The following SPATS1 variants were observed in gnomAD, a reference collection of about 807,000 sequenced individuals.
The protein encoded by SPATS1 is spermatogenesis associated serine rich 1.
Under a neutral mutation model 33.6 loss-of-function variants are expected in SPATS1, and 23 were observed. The ratio of observed to expected loss-of-function variants is 0.68; its 90% CI spans 0.49 to 0.97. SPATS1 has a LOEUF of 0.97. Among genes scored for constraint, SPATS1 ranks in the 50% least tolerant of loss-of-function variants. The pLI, the probability that SPATS1 is intolerant of heterozygous loss-of-function variation, is 0.00. For missense variants in SPATS1, 327 were observed against 361.0 expected (o/e 0.91, Z 0.76); for synonymous variants, 131 against 125.6 (o/e 1.04, Z -0.29).
rs1169077924 is a variant in SPATS1 at position 44,379,090 on chromosome 6, T to C, written c.*2027T>C. 6.6e-6 allele frequency: 1 copy of C among 152,122 alleles called. No individual in the cohort carries two copies. Among genetic ancestry groups the C allele is most frequent in the African/African-American group, 2.4e-5 (1 of 41,412 alleles). The allele number at this position is 152,122 out of a possible 1,614,324, so 9.4% of individuals were successfully genotyped here. ...ATTACTTAAATGTAAAAAAGTCTTC[T>C]TTCCCCTAGTCAAAAACAATGCCCC... On this transcript the variant is annotated 3_prime_UTR_variant, in exon 9 of 9. Transcript: ENST00000674044.
chr6:44,367,173 C>T (rs1461907076), intron 5 of SPATS1, among the ~76,000 whole-genome samples: 3 of 152,136 alleles, frequency 2.0e-5, no homozygotes, highest in Admixed American at 6.5e-5. Context: ...CTGCAACCTC[C>T]GTCTCCCGGG....
At chr6:44,352,313 G>T (rs1450795479) in intron 2 of SPATS1, among the ~76,000 whole-genome samples, 1 of 151,940 alleles carries the variant, frequency 6.6e-6, no homozygotes, top group Admixed American at 6.6e-5. Flanking sequence ...GTTTTTTGTA[G>T]AGACGGGGTT....
chr6:44,343,482 T>C (rs1312708773), intron 2 of SPATS1: 2 of 595,816 alleles, frequency 3.4e-6, no homozygotes, highest in South Asian at 3.0e-5. Flanking sequence ...TGGAGAAGTA[T>C]ATTACCTATG....
chr6:44,345,554 C>T (rs1787824662), intron 2 of SPATS1, among the ~76,000 whole-genome samples: 1 of 152,180 alleles, frequency 6.6e-6, no homozygotes, highest in African/African-American at 2.4e-5. Context: ...CTTGGGTGAA[C>T]TCTCAAGTCC....
At chr6:44,345,787 C>G (rs1449632823) in intron 2 of SPATS1, among the ~76,000 whole-genome samples, 1 of 152,114 alleles carries the variant, frequency 6.6e-6, no homozygotes, top group Non-Finnish European at 1.5e-5. Context: ...TTCATAGATA[C>G]ATTTCTAGAT....
chr6:44,366,205 A>G (rs1419197420), intron 5 of SPATS1, among the ~76,000 whole-genome samples: 1 of 151,246 alleles, frequency 6.6e-6, no homozygotes, highest in South Asian at 2.1e-4. Context: ...GCTCACTGCA[A>G]TCTCTGCCTC....
rs567398627 is a variant in SPATS1 at position 44,377,028 on chromosome 6, T to C, written c.875-7T>C. 1.4e-5 allele frequency: 23 copies of C among 1,614,202 alleles called. No homozygotes were observed. In the African/African-American group the frequency reaches 2.5e-4, roughly 18 times the overall value. On this transcript the variant is annotated splice_region_variant and splice_polypyrimidine_tract_variant and intron_variant, in intron 8 of 8. Coordinates refer to ENST00000674044, the MANE Select transcript of SPATS1 (RefSeq NM_001372081.1). ...GAAAACCTGTAACTCCATGCCTCTA[T>C]CCACAGGTGCTTTGGACTTTCCAAG...
At chr6:44,348,566 A>G (rs992812642) in intron 2 of SPATS1, among the ~76,000 whole-genome samples, 1 of 152,218 alleles carries the variant, frequency 6.6e-6, no homozygotes, top group Admixed American at 6.5e-5. Flanking sequence ...TCTTTGAAGT[A>G]GGGACTGGAT....
intron 6 of SPATS1, among the ~76,000 whole-genome samples, chr6:44,368,708 G>C (rs1160435373): frequency 1.3e-5 from 2 of 152,100 alleles, no homozygotes; most frequent in African/African-American, 4.8e-5. Context: ...CTACAAAAAA[G>C]TGGTTGTTAA....
rs1003971565 is a variant in SPATS1 at position 44,368,267 on chromosome 6, T to C, written c.575-112T>C. On this transcript the variant is annotated intron_variant, in intron 5 of 8. Transcript: ENST00000674044. Reference sequence around the variant, plus strand: ...AGAACTTTGAGAAACTTCTATGTAATTTATAATAAAATACTAAAATATCCT... The same window carrying C: ...AGAACTTTGAGAAACTTCTATGTAACTTATAATAAAATACTAAAATATCCT... 7.4e-6 allele frequency: 8 copies of C among 1,085,364 alleles called. No individual in the cohort carries two copies. In the African/African-American group the frequency reaches 1.3e-4, roughly 17 times the overall value. The allele number at this position is 1,085,364 out of a possible 1,614,324, so 67.2% of individuals were successfully genotyped here.
At chr6:44,372,447 ATTTTATTTTATT>A (rs773844250) in intron 7 of SPATS1, among the ~76,000 whole-genome samples, 29 of 149,000 alleles carry the variant, frequency 1.9e-4, no homozygotes, top group Non-Finnish European at 3.6e-4. Flanking sequence ...GTCTTTTTTT[ATTTTATTTTATT>A]TTTTATTTTA....
rs1459734461 is a variant in SPATS1, at chr6:44,378,729, C to G, written c.*1666C>G. 2 of 152,490 alleles carry G rather than the reference C, an allele frequency of 1.3e-5. No individual in the cohort carries two copies. Among genetic ancestry groups the G allele is most frequent in the Non-Finnish European group, 2.9e-5 (2 of 68,314 alleles). 9.4% of individuals were successfully genotyped at this position (152,490 alleles called of 1,614,324 possible). A position where few individuals can be genotyped will look rare whatever the true frequency, so the allele number is the denominator to read the frequency against. ...GAGGTTGCAGTGAGCCAAGACCATG[C>G]CATTGCACTCCAGCCTGGGCGACAA... On this transcript the variant is annotated 3_prime_UTR_variant, in exon 9 of 9. Coordinates refer to ENST00000674044, the MANE Select transcript of SPATS1 (RefSeq NM_001372081.1).
chr6:44,380,021 A>T lies in SPATS1; in HGVS notation c.*2958A>T, dbSNP rs1233329335. On this transcript the variant is annotated 3_prime_UTR_variant, in exon 9 of 9. Transcript: ENST00000674044. ...TGAGTATGTCTACGTGTGTGGGGAG[A>T]CAAAGGCATAGAGAAAGGCCACATG... is the stretch of plus-strand genomic sequence containing the variant. 1.3e-5 allele frequency among the ~76,000 whole-genome samples: 2 copies of T among 152,188 alleles called. No individual in the cohort carries two copies. Among genetic ancestry groups the T allele is most frequent in the Non-Finnish European group, 2.9e-5 (2 of 68,026 alleles).
In SPATS1 at chr6:44,361,878, A is replaced by G. The variant is rs1788944146; in HGVS notation, c.460A>G (p.Asn154Asp). The G allele has an allele frequency of 6.2e-7, 1 of 1,614,136 alleles. No homozygotes were observed. Residue 154 changes from asparagine (N) to aspartate (D), a missense_variant, in exon 5 of 9, where the codon AAC (asparagine) becomes GAC (aspartate). Coordinates refer to ENST00000674044, the MANE Select transcript of SPATS1 (RefSeq NM_001372081.1). ...GACATTTTACCCAAGGTTTAGCAGC[A>G]ACATCCACACCTACCACGTCGGAAA... is the stretch of plus-strand genomic sequence containing the variant. Reference protein sequence around the residue: ...EWTFYPRFSSNIHTYHVGKQC... With the variant: ...EWTFYPRFSSDIHTYHVGKQC...
chr6:44,351,198 A>G (rs925867399), intron 2 of SPATS1, among the ~76,000 whole-genome samples: 6 of 152,100 alleles, frequency 3.9e-5, no homozygotes, highest in Admixed American at 3.3e-4. Context: ...AAATAAGTAT[A>G]TAACAACTAT....
intron 2 of SPATS1, among the ~76,000 whole-genome samples, chr6:44,346,633 C>T (rs1208778176): frequency 2.6e-5 from 4 of 152,226 alleles, no homozygotes; most frequent in Non-Finnish European, 4.4e-5. Context: ...GTCTACCTGC[C>T]GCAGCCTCCC....
At chr6:44,368,293 C>A (rs1159131380) in intron 5 of SPATS1, 86 bp from the exon 6 acceptor site, 1 of 1,305,066 alleles carries the variant, frequency 7.7e-7, no homozygotes, top group East Asian at 2.4e-5. Context: ...AAAATATCCT[C>A]TTTCCATTGT....
At chr6:44,342,868 G>C in intron 1 of SPATS1, 100 bp downstream of exon 1, 2 of 1,295,932 alleles carry the variant, frequency 1.5e-6, no homozygotes, top group Non-Finnish European at 2.1e-6. Context: ...CTGGATGGGG[G>C]CTGCAGCGAG....
At chr6:44,347,623 A>G (rs1431532776) in intron 2 of SPATS1, among the ~76,000 whole-genome samples, 2 of 152,162 alleles carry the variant, frequency 1.3e-5, no homozygotes, top group Non-Finnish European at 2.9e-5. Context: ...CAATTTTTAC[A>G]TTCAAATCTG....
Sources: allele counts gnomAD v4.1 joint callset (sites outside exome capture counted in the v4.1 genomes callset), GRCh38; gene constraint gnomAD v4.1.1; transcripts MANE v1.5; gene names NCBI Gene and HGNC (gene_info 2026-07-23, HGNC 2026-07-21).